Variants in SFXN1 observed in about 807,000 individuals in gnomAD.
The protein encoded by SFXN1 is sideroflexin 1.
A neutral mutation model predicts 39.5 loss-of-function variants in SFXN1; 32 were observed. The ratio of observed to expected loss-of-function variants is 0.81; its 90% CI spans 0.61 to 1.09. The LOEUF is 1.09. Ranked by LOEUF, SFXN1 falls within the 50% of genes least tolerant of loss-of-function variation. The pLI is 0.00. For synonymous variants in SFXN1, 136 were observed against 146.5 expected, an observed-to-expected ratio of 0.93 and a Z score of 0.52; for missense variants, 402 against 407.1, an observed-to-expected ratio of 0.99 and a Z score of 0.11.
chr5:175,503,356 G>A (rs1760154721), intron 2 of SFXN1, among the ~76,000 whole-genome samples: 1 of 152,164 alleles, frequency 6.6e-6, no homozygotes, highest in Non-Finnish European at 1.5e-5. Flanking sequence ...ACAGTGGCCT[G>A]TCTTACAAAT....
chr5:175,513,687 G>A, intron 7 of SFXN1, 97 bp downstream of exon 7: 1 of 1,343,768 alleles, frequency 7.4e-7, no homozygotes, highest in Non-Finnish European at 1.0e-6. Flanking sequence ...ACACCTCTTA[G>A]TGGAAATTGC....
chr5:175,518,589 G>T (rs1760786258), intron 8 of SFXN1, among the ~76,000 whole-genome samples: 1 of 152,208 alleles, frequency 6.6e-6, no homozygotes, highest in East Asian at 1.9e-4. Context: ...CCCAACTGGT[G>T]TAGGTGAGCA....
chr5:175,524,117 AAAAAAAAAATATATATAT>A (rs1349279049), intron 10 of SFXN1: 8 of 53,434 alleles, frequency 1.5e-4, no homozygotes, highest in African/African-American at 4.8e-4. Flanking sequence ...AAAAAAAAAA[AAAAAAAAAATATATATAT>A]ATATATATAT....
At chr5:175,512,587 T>TTGGGG (rs1384205206) in intron 6 of SFXN1, among the ~76,000 whole-genome samples, 1 of 152,212 alleles carries the variant, frequency 6.6e-6, no homozygotes, top group African/African-American at 2.4e-5. Context: ...GAATTTTCTT[T>TTGGGG]TGGGGCTTAA....
At chr5:175,523,416 G>T (rs1561677888) in intron 10 of SFXN1, 1 of 152,258 alleles carries the variant, frequency 6.6e-6, no homozygotes, top group Middle Eastern at 3.4e-3. Context: ...GAGTCTTGGG[G>T]CTCAACCTGA....
intron 3 of SFXN1, 120 bp downstream of exon 3, chr5:175,509,322 A>C (rs1581306819): frequency 1.0e-6 from 1 of 972,418 alleles, no homozygotes; most frequent in South Asian, 2.0e-5. Flanking sequence ...AGTGACAAAC[A>C]AGGTAATTAG....
intron 8 of SFXN1, 118 bp from the exon 9 acceptor site, chr5:175,521,801 T>C (rs546186144): frequency 1.3e-6 from 1 of 786,122 alleles, no homozygotes; most frequent in African/African-American, 1.7e-5. Flanking sequence ...CAAATTTCAC[T>C]AACCATGTTC....
intron 1 of SFXN1, 186 bp from the exon 2 acceptor site, chr5:175,491,909 A>G: frequency 2.1e-6 from 1 of 469,608 alleles, no homozygotes; most frequent in Non-Finnish European, 3.7e-6. Context: ...GTTAAGATCA[A>G]TTGAGATTTA....
Position 175,492,068 on chromosome 5 carries a change from C to T in SFXN1, c.-9-27C>T, listed in dbSNP as rs765260887. On this transcript the variant is annotated intron_variant, in intron 1 of 10. Transcript: ENST00000321442. ...ACGTAGTGACATTGTAAGCCTTACA[C>T]GAACTTGCCTTTTTGACTCTTTGCA... 8 of 1,580,270 alleles carry T rather than the reference C, an allele frequency of 5.1e-6. No individual in the cohort carries two copies. In the Admixed American group the frequency reaches 5.6e-5, roughly 11 times the overall value.
At chr5:175,501,655 A>G (rs1253522724) in intron 2 of SFXN1, among the ~76,000 whole-genome samples, 1 of 152,162 alleles carries the variant, frequency 6.6e-6, no homozygotes, top group Non-Finnish European at 1.5e-5. Context: ...ATTTTTTTAA[A>G]TGGACAAAAG....
chr5:175,488,514 G>A (rs557622999), intron 1 of SFXN1, among the ~76,000 whole-genome samples: 2 of 152,142 alleles, frequency 1.3e-5, no homozygotes, highest in East Asian at 3.9e-4. Context: ...GTTGAGGCTG[G>A]TCTCGAACTC....
intron 2 of SFXN1, among the ~76,000 whole-genome samples, chr5:175,500,771 A>C (rs1458946165): frequency 2.0e-5 from 3 of 152,232 alleles, no homozygotes; most frequent in Non-Finnish European, 4.4e-5. Context: ...TGTTGTAAGG[A>C]GACACATTTA....
At chr5:175,508,484 C>T (rs1295090997) in intron 2 of SFXN1, among the ~76,000 whole-genome samples, 1 of 152,114 alleles carries the variant, frequency 6.6e-6, no homozygotes, top group African/African-American at 2.4e-5. Context: ...ATCCTCCTGC[C>T]TCAGCCTCCC....
At chr5:175,488,235 C>T (rs1759520807) in intron 1 of SFXN1, among the ~76,000 whole-genome samples, 1 of 152,172 alleles carries the variant, frequency 6.6e-6, no homozygotes, top group Admixed American at 6.5e-5. Flanking sequence ...CCTCATCTCC[C>T]ATCTCCCACT....
chr5:175,499,611 C>T (rs1289474837), intron 2 of SFXN1, among the ~76,000 whole-genome samples: 1 of 152,142 alleles, frequency 6.6e-6, no homozygotes, highest in Admixed American at 6.6e-5. Flanking sequence ...AACATCCATT[C>T]ATGATACAGC....
intron 1 of SFXN1, among the ~76,000 whole-genome samples, chr5:175,490,070 G>A (rs151303187): frequency 2.5e-4 from 38 of 152,270 alleles, no homozygotes; most frequent in Non-Finnish European, 5.1e-4. Context: ...GACTTGCAAT[G>A]TTGTGTCCAA....
In SFXN1 at chr5:175,527,578, T is replaced by G. The variant is rs1211970712; in HGVS notation, c.*844T>G. 3.3e-5 allele frequency: 5 copies of G among 151,518 alleles called. No individual in the cohort carries two copies. Among genetic ancestry groups the G allele is most frequent in the Non-Finnish European group, 5.9e-5 (4 of 67,846 alleles). The allele number at this position is 151,518 out of a possible 1,614,324, so 9.4% of individuals were successfully genotyped here. A position where few individuals can be genotyped will look rare whatever the true frequency, so the allele number is the denominator to read the frequency against. On this transcript the variant is annotated 3_prime_UTR_variant, in exon 11 of 11. Coordinates refer to ENST00000321442, the MANE Select transcript of SFXN1 (RefSeq NM_022754.7). The stretch of plus-strand genomic sequence containing the variant: ...GAGTGGGCTGAATCCAGTTCATTGT[T>G]TTTTTTTTGGTAAGAAGTGAGACTA...
chr5:175,493,836 G>A (rs1033663309), intron 2 of SFXN1, among the ~76,000 whole-genome samples: 8 of 152,128 alleles, frequency 5.3e-5, no homozygotes, highest in African/African-American at 1.4e-4. Flanking sequence ...TCCGTAAAGG[G>A]CCAGACGACA....
chr5:175,514,862 G>A (rs62386253), intron 7 of SFXN1, among the ~76,000 whole-genome samples: 2,602 of 152,308 alleles, frequency 0.017, 33 homozygotes, highest in Non-Finnish European at 0.027. Context: ...CTGAAACATG[G>A]GAAAGCATCT....
Sources: allele counts gnomAD v4.1 joint callset (sites outside exome capture counted in the v4.1 genomes callset), GRCh38; gene constraint gnomAD v4.1.1; transcripts MANE v1.5; gene names NCBI Gene and HGNC (gene_info 2026-07-23, HGNC 2026-07-21).